PITPNC1: variants seen among roughly 807,000 people sequenced by gnomAD.
PITPNC1 encodes the protein cytoplasmic phosphatidylinositol transfer protein 1.
Under a neutral mutation model 44.7 loss-of-function variants are expected in PITPNC1, and 18 were observed. The observed-to-expected ratio is 0.40, with a 90% CI of 0.28 to 0.60. PITPNC1 has a LOEUF of 0.60. PITPNC1 is among the 20% of genes least tolerant of loss of function. The pLI, the probability that PITPNC1 is intolerant of heterozygous loss-of-function variation, is 0.39. For missense variants in PITPNC1, 290 were observed against 418.4 expected, an observed-to-expected ratio of 0.69 and a Z score of 2.68; for synonymous variants, 141 against 149.6, an observed-to-expected ratio of 0.94 and a Z score of 0.42.
chr17:67,549,203 C>CTTT (rs1207853996), intron 2 of PITPNC1, among the ~76,000 whole-genome samples: 1 of 152,052 alleles, frequency 6.6e-6, no homozygotes, highest in Non-Finnish European at 1.5e-5. Flanking sequence ...CCAGTAATCC[C>CTTT]AGCACTTTAG....
At chr17:67,547,506 A>G (rs934385926) in intron 2 of PITPNC1, among the ~76,000 whole-genome samples, 1 of 152,156 alleles carries the variant, frequency 6.6e-6, no homozygotes, top group Non-Finnish European at 1.5e-5. Context: ...ACAGAGCGAG[A>G]CCCTGTCTCA....
At chr17:67,391,229 T>A (rs2038134340) in intron 1 of PITPNC1, among the ~76,000 whole-genome samples, 1 of 152,084 alleles carries the variant, frequency 6.6e-6, no homozygotes, top group Non-Finnish European at 1.5e-5. Flanking sequence ...CTAGACTGAA[T>A]CACTCAGAGA....
At chr17:67,428,748 C>T (rs1440321859) in intron 1 of PITPNC1, among the ~76,000 whole-genome samples, 2 of 151,486 alleles carry the variant, frequency 1.3e-5, no homozygotes, top group Non-Finnish European at 2.9e-5. Context: ...GCAGTAAGTA[C>T]GTTATACATC....
At chr17:67,568,159 C>T (rs2041006030) in intron 4 of PITPNC1, among the ~76,000 whole-genome samples, 1 of 152,126 alleles carries the variant, frequency 6.6e-6, no homozygotes, top group Admixed American at 6.5e-5. Context: ...AATGGACTAT[C>T]ATTCGGCCAG....
intron 1 of PITPNC1, among the ~76,000 whole-genome samples, chr17:67,419,447 A>C (rs774953009): frequency 2.0e-5 from 3 of 152,120 alleles, no homozygotes; most frequent in Non-Finnish European, 4.4e-5. Flanking sequence ...CATTGCTTCA[A>C]GTGTGGTGGG....
chr17:67,493,745 T>C (rs917734587), intron 1 of PITPNC1, among the ~76,000 whole-genome samples: 1 of 152,160 alleles, frequency 6.6e-6, no homozygotes, highest in African/African-American at 2.4e-5. Context: ...AGACGTGAGA[T>C]GGGTGGGATG....
At chr17:67,447,145 G>C (rs1006863466) in intron 1 of PITPNC1, among the ~76,000 whole-genome samples, 64 of 143,358 alleles carry the variant, frequency 4.5e-4, no homozygotes, top group Admixed American at 2.1e-3. Flanking sequence ...AGAAGAATGT[G>C]TGTTTGGACT....
intron 4 of PITPNC1, among the ~76,000 whole-genome samples, chr17:67,566,226 CA>C (rs2040978929): frequency 6.6e-6 from 1 of 152,050 alleles, no homozygotes; most frequent in Admixed American, 6.6e-5. Context: ...TTTTTTGATA[CA>C]GGGGCTTGCT....
chr17:67,452,495 T>C (rs1266572207), intron 1 of PITPNC1, among the ~76,000 whole-genome samples: 7 of 151,154 alleles, frequency 4.6e-5, no homozygotes, highest in Non-Finnish European at 1.0e-4. Context: ...GGAAGATACT[T>C]TAAGGAGTGG....
intron 3 of PITPNC1, among the ~76,000 whole-genome samples, chr17:67,552,760 ATTGTG>A (rs1046899869): frequency 2.0e-5 from 3 of 146,700 alleles, no homozygotes; most frequent in African/African-American, 7.5e-5. Context: ...GTGAGCCAAG[ATTGTG>A]CCACTGCACG....
intron 8 of PITPNC1, chr17:67,686,997 T>A: frequency 1.2e-6 from 1 of 861,194 alleles, no homozygotes; most frequent in South Asian, 1.4e-5. Context: ...CTACCATCTT[T>A]CCCTAAAGTG....
intron 7 of PITPNC1, among the ~76,000 whole-genome samples, chr17:67,671,466 T>C (rs1452245566): frequency 6.6e-6 from 1 of 152,230 alleles, no homozygotes; most frequent in Non-Finnish European, 1.5e-5. Context: ...TGCACTGAGC[T>C]TTTTGTTACT....
intron 1 of PITPNC1, among the ~76,000 whole-genome samples, chr17:67,413,483 T>C (rs1439328681): frequency 1.5e-5 from 2 of 137,180 alleles, no homozygotes; most frequent in African/African-American, 5.7e-5. Flanking sequence ...GGCTTCTCGC[T>C]ATGCTCAGCC....
Position 67,681,127 on chromosome 17 carries a change from C to G in PITPNC1, c.682+5585C>G, listed in dbSNP as rs188188501. ...GGCATTTGTAGTTTCCATGTGTGTT[C>G]AACTGACTTCTAAAGGCCTTTCAAA... is the stretch of plus-strand genomic sequence containing the variant. On this transcript the variant is annotated intron_variant, in intron 8 of 8. Transcript: ENST00000581322. 1.4e-3 allele frequency among the ~76,000 whole-genome samples: 213 copies of G among 152,286 alleles called. 4 individuals carry two copies. In the South Asian group the frequency reaches 0.025, roughly 18 times the overall value.
chr17:67,692,988 A>C lies in PITPNC1; in HGVS notation c.*100A>C. ...AGAAAAAGACTGCTTTGTCACTCAA[A>C]CATGTTCCTTCGACCTTTCAGTGTG... On this transcript the variant is annotated 3_prime_UTR_variant, in exon 9 of 9. Coordinates refer to ENST00000581322, the MANE Select transcript of PITPNC1 (RefSeq NM_012417.4). 2 of 775,638 alleles carry C rather than the reference A, an allele frequency of 2.6e-6. No homozygotes were observed. The highest frequency in any genetic ancestry group is 4.2e-6 in the Non-Finnish European group (2 of 471,434). 48.0% of individuals were successfully genotyped at this position (775,638 alleles called of 1,614,324 possible). A position where few individuals can be genotyped will look rare whatever the true frequency, so the allele number is the denominator to read the frequency against.
intron 5 of PITPNC1, among the ~76,000 whole-genome samples, chr17:67,616,905 C>T (rs1053800307): frequency 1.3e-5 from 2 of 152,260 alleles, no homozygotes; most frequent in East Asian, 3.9e-4. Context: ...GTCCTTCTTT[C>T]TCTCCGGTGT....
At chr17:67,382,852 C>T (rs1989193896) in intron 1 of PITPNC1, among the ~76,000 whole-genome samples, 1 of 151,770 alleles carries the variant, frequency 6.6e-6, no homozygotes. Flanking sequence ...TCTCGAACTC[C>T]TGACCTCAGG....
intron 8 of PITPNC1, among the ~76,000 whole-genome samples, chr17:67,688,432 C>T (rs1253090049): frequency 1.3e-5 from 2 of 151,034 alleles, no homozygotes; most frequent in Non-Finnish European, 2.9e-5. Flanking sequence ...CTTCTGATTG[C>T]ACTTTGGAAA....
At chr17:67,475,264 G>C (rs1190994056) in intron 1 of PITPNC1, among the ~76,000 whole-genome samples, 1 of 152,140 alleles carries the variant, frequency 6.6e-6, no homozygotes, top group Non-Finnish European at 1.5e-5. Context: ...GAAGCAACTT[G>C]ATTGTTATCA....
Sources: gnomAD v4.1 joint callset for allele counts (sites outside exome capture counted in the v4.1 genomes callset) on GRCh38, gnomAD v4.1.1 for gene constraint, MANE v1.5 for transcripts, NCBI Gene and HGNC (gene_info 2026-07-23, HGNC 2026-07-21) for gene names.